The following TDRD1 variants were observed in gnomAD, a reference collection of about 807,000 sequenced individuals.
The protein encoded by TDRD1 is tudor domain-containing protein 1.
TDRD1 carries 37 observed loss-of-function variants against 140.6 expected under a neutral mutation model. The ratio of observed to expected loss-of-function variants is 0.26; its 90% CI spans 0.20 to 0.35. The LOEUF is 0.35. Among genes scored for constraint, TDRD1 ranks in the 10% least tolerant of loss-of-function variants. The pLI, the probability that TDRD1 is intolerant of heterozygous loss-of-function variation, is 1.00. For synonymous variants in TDRD1, 506 were observed against 475.7 expected, an observed-to-expected ratio of 1.06 and a Z score of -0.83; for missense variants, 1,243 against 1,393.0, an observed-to-expected ratio of 0.89 and a Z score of 1.71.
intron 1 of TDRD1, 36 bp from the exon 2 acceptor site, chr10:114,187,790 T>C: frequency 6.7e-7 from 1 of 1,500,064 alleles, no homozygotes; most frequent in Non-Finnish European, 8.9e-7. Flanking sequence ...AATTTTGAAA[T>C]TAAAAGTTGT....
At chr10:114,200,887 T>C (rs1330455665) in intron 4 of TDRD1, among the ~76,000 whole-genome samples, 1 of 124,502 alleles carries the variant, frequency 8.0e-6, no homozygotes, top group Middle Eastern at 4.7e-3. Flanking sequence ...AGAGTCTCAC[T>C]CTGTCACCCA....
chr10:114,189,137 G>A (rs1024950920), intron 2 of TDRD1, among the ~76,000 whole-genome samples: 19 of 152,152 alleles, frequency 1.2e-4, no homozygotes, highest in African/African-American at 2.9e-4. Flanking sequence ...GTTTTTCATC[G>A]TCATGCACTT....
At chr10:114,199,556 G>A (rs1455406378) in intron 4 of TDRD1, among the ~76,000 whole-genome samples, 1 of 152,112 alleles carries the variant, frequency 6.6e-6, no homozygotes, top group Non-Finnish European at 1.5e-5. Context: ...GCAATGAAAT[G>A]CACAGACTTA....
intron 1 of TDRD1, among the ~76,000 whole-genome samples, chr10:114,186,678 T>C (rs922809969): frequency 6.6e-6 from 1 of 152,222 alleles, no homozygotes. Flanking sequence ...TTACTTCCCC[T>C]GGCAGCTGCA....
At chr10:114,183,074 A>G (rs1004952759) in intron 1 of TDRD1, among the ~76,000 whole-genome samples, 4 of 152,204 alleles carry the variant, frequency 2.6e-5, no homozygotes, top group Non-Finnish European at 5.9e-5. Flanking sequence ...CAGATTTTTA[A>G]AAATAAGAGT....
exon 9 of TDRD1, chr10:114,204,181 C>T (rs1589684294): frequency 1.3e-6 from 2 of 1,598,238 alleles, no homozygotes; most frequent in Non-Finnish European, 1.7e-6. Flanking sequence ...CAGAATTTAC[C>T]ACCTCAACAG....
At chr10:114,206,108 A>C (rs1473917051) in intron 10 of TDRD1, 136 bp from the exon 11 acceptor site, 5 of 655,906 alleles carry the variant, frequency 7.6e-6, no homozygotes, top group African/African-American at 5.5e-5. Flanking sequence ...ATAGGAACTG[A>C]ATTGGCAAAA....
chr10:114,227,921 A>T, exon 24 of TDRD1: 1 of 1,613,728 alleles, frequency 6.2e-7, no homozygotes, highest in South Asian at 1.1e-5. Context: ...AAAGATGTAT[A>T]GGATGAATTG....
At chr10:114,216,752 G>T (rs1025772805) in intron 16 of TDRD1, among the ~76,000 whole-genome samples, 3 of 152,184 alleles carry the variant, frequency 2.0e-5, no homozygotes, top group Non-Finnish European at 2.9e-5. Flanking sequence ...TCCCCCAGCA[G>T]CAGAGTGTAT....
At chr10:114,190,293 A>C (rs2033865808) in intron 2 of TDRD1, among the ~76,000 whole-genome samples, 1 of 152,224 alleles carries the variant, frequency 6.6e-6, no homozygotes, top group South Asian at 2.1e-4. Context: ...GTTTAAATTT[A>C]GTTTTAATTT....
intron 4 of TDRD1, among the ~76,000 whole-genome samples, chr10:114,200,474 T>C (rs1380315756): frequency 6.6e-6 from 1 of 152,172 alleles, no homozygotes; most frequent in Non-Finnish European, 1.5e-5. Flanking sequence ...CCTGGGTTTT[T>C]CTGGGTGTGA....
intron 1 of TDRD1, among the ~76,000 whole-genome samples, chr10:114,183,587 G>A (rs1446459488): frequency 3.3e-5 from 5 of 151,664 alleles, no homozygotes; most frequent in African/African-American, 9.7e-5. Flanking sequence ...TGAATATACA[G>A]GTTTTTTACT....
At chr10:114,210,270 A>G (rs73357561) in intron 11 of TDRD1, among the ~76,000 whole-genome samples, 9,024 of 152,244 alleles carry the variant, frequency 0.059, 307 homozygotes, top group African/African-American at 0.071. Flanking sequence ...TATCTATTCC[A>G]AATTACATTT....
chr10:114,221,110 T>C (rs150308140), intron 19 of TDRD1, among the ~76,000 whole-genome samples: 1,832 of 152,310 alleles, frequency 0.012, 19 homozygotes, highest in Non-Finnish European at 0.019. Context: ...GATGGAAATA[T>C]ACAGAAATAA....
intron 1 of TDRD1, among the ~76,000 whole-genome samples, chr10:114,184,334 A>G (rs1029424762): frequency 1.3e-5 from 2 of 152,214 alleles, no homozygotes; most frequent in Admixed American, 1.3e-4. Context: ...GTGTCTCTGC[A>G]TAGGCAAACC....
At chr10:114,191,333 C>T (rs1210957109) in intron 3 of TDRD1, among the ~76,000 whole-genome samples, 3 of 152,090 alleles carry the variant, frequency 2.0e-5, no homozygotes, top group Non-Finnish European at 4.4e-5. Flanking sequence ...CTACAAGGGT[C>T]CCTTATATAC....
chr10:114,198,317 G>A (rs2034506102), intron 3 of TDRD1, among the ~76,000 whole-genome samples: 4 of 152,174 alleles, frequency 2.6e-5, no homozygotes, highest in Admixed American at 2.6e-4. Flanking sequence ...ACCTTGGTCG[G>A]GGTGGTGGCA....
intron 25 of TDRD1, among the ~76,000 whole-genome samples, chr10:114,229,939 T>C (rs1299517069): frequency 1.3e-5 from 2 of 152,042 alleles, no homozygotes; most frequent in Non-Finnish European, 2.9e-5. Flanking sequence ...CATGCCATTC[T>C]CCTGCCTCAG....
exon 23 of TDRD1, chr10:114,227,266 A>T (rs541957823): frequency 6.2e-7 from 1 of 1,614,002 alleles, no homozygotes; most frequent in East Asian, 2.2e-5. Flanking sequence ...GGCAAAAAAC[A>T]TCACACCTCA....
Sources: allele counts gnomAD v4.1 joint callset (sites outside exome capture counted in the v4.1 genomes callset), GRCh38; gene constraint gnomAD v4.1.1; transcripts MANE v1.5; gene names NCBI Gene and HGNC (gene_info 2026-07-23, HGNC 2026-07-21).